PATL2: variants seen among roughly 807,000 people sequenced by gnomAD.
The protein encoded by PATL2 is protein PAT1 homolog 2.
PATL2 carries 73 observed loss-of-function variants against 77.0 expected under a neutral mutation model. The ratio of observed to expected loss-of-function variants is 0.95; its 90% CI spans 0.78 to 1.15. PATL2 has a LOEUF of 1.15. Ranked by LOEUF, PATL2 falls within the 50% of genes most tolerant of loss-of-function variation. The pLI, the probability that PATL2 is intolerant of heterozygous loss-of-function variation, is 0.00. For missense variants in PATL2, 618 were observed against 655.4 expected (o/e 0.94, Z 0.62); for synonymous variants, 265 against 257.1 (o/e 1.03, Z -0.29).
At chr15:44,672,212 G>T (rs1415803809) in intron 8 of PATL2, 56 bp from the exon 9 acceptor site, 1 of 1,551,080 alleles carries the variant, frequency 6.4e-7, no homozygotes, top group Non-Finnish European at 8.7e-7. Context: ...ACTTCCTAAG[G>T]AGTGTGGTGA....
chr15:44,684,408 T>A (rs2086205671), intron 3 of PATL2, among the ~76,000 whole-genome samples: 1 of 151,646 alleles, frequency 6.6e-6, no homozygotes, highest in South Asian at 2.1e-4. Context: ...ATAAATGACC[T>A]GATAGAGCTG....
chr15:44,675,281 C>A lies in PATL2; in HGVS notation c.222+205G>T, dbSNP rs147080508. The A allele has an allele frequency of 3.2e-6, 2 of 619,542 alleles. 1 individual carries two copies. 38.4% of individuals were successfully genotyped at this position (619,542 alleles called of 1,614,324 possible). A position where few individuals can be genotyped will look rare whatever the true frequency, so the allele number is the denominator to read the frequency against. ...GCTCTGCTAGGACCTGGTTTTAAGGCGAGAACAGCATCAGAAATGAAGTGG... is the reference window on the plus strand; with the variant it reads ...GCTCTGCTAGGACCTGGTTTTAAGGAGAGAACAGCATCAGAAATGAAGTGG... On this transcript the variant is annotated intron_variant, in intron 5 of 17. Coordinates refer to ENST00000682850, the MANE Select transcript of PATL2 (RefSeq NM_001387263.1).
chr15:44,689,920 T>A (rs1006940202), intron 3 of PATL2, among the ~76,000 whole-genome samples: 1 of 152,186 alleles, frequency 6.6e-6, no homozygotes, highest in Non-Finnish European at 1.5e-5. Context: ...CCAAGCATGG[T>A]GTCTCACACC....
chr15:44,685,022 A>T (rs1432064762), intron 3 of PATL2, among the ~76,000 whole-genome samples: 1 of 152,222 alleles, frequency 6.6e-6, no homozygotes, highest in Non-Finnish European at 1.5e-5. Context: ...AGGAGAAATA[A>T]AATCCTTTAC....
Position 44,667,217 on chromosome 15 carries a change from A to G in PATL2, c.1366-14T>C, listed in dbSNP as rs1182590632. On this transcript the variant is annotated splice_polypyrimidine_tract_variant and intron_variant, in intron 15 of 17. Transcript: ENST00000682850. ...AGATATTCCAAACTGCAAGGGACAT[A>G]TATATATTCCAGAGCAAAATGAGTT... The G allele has an allele frequency of 6.5e-7, 1 of 1,543,652 alleles. No homozygotes were observed. The highest frequency in any genetic ancestry group is 2.4e-5 in the East Asian group (1 of 40,882).
rs542210418 is a variant in PATL2, at chr15:44,702,712, A to C, written c.-76+7384T>G. 2.6e-5 allele frequency among the ~76,000 whole-genome samples: 4 copies of C among 152,152 alleles called. No homozygotes were observed. In the South Asian group the frequency reaches 6.2e-4, roughly 24 times the overall value. Reference sequence around the variant, plus strand: ...TGTTTCCATTATCATTTGTTTCCAGAATTTAAAAAATTTCCTTCTTAATTT... The same window carrying C: ...TGTTTCCATTATCATTTGTTTCCAGCATTTAAAAAATTTCCTTCTTAATTT... On this transcript the variant is annotated intron_variant, in intron 3 of 17. Transcript: ENST00000682850.
intron 3 of PATL2, among the ~76,000 whole-genome samples, chr15:44,698,902 A>G (rs374087701): frequency 1.3e-5 from 2 of 152,170 alleles, no homozygotes; most frequent in South Asian, 2.1e-4. Context: ...CCTCACCAGC[A>G]TTCATTATTG....
At chr15:44,676,347 A>G in intron 4 of PATL2, 128 bp downstream of exon 4, 1 of 852,922 alleles carries the variant, frequency 1.2e-6, no homozygotes, top group Non-Finnish European at 1.9e-6. Flanking sequence ...ATTATGATAT[A>G]ATTAGCAAGT....
chr15:44,691,525 G>A (rs1595982968), intron 3 of PATL2, among the ~76,000 whole-genome samples: 1 of 152,146 alleles, frequency 6.6e-6, no homozygotes, highest in East Asian at 1.9e-4. Context: ...GAGTGTGGTG[G>A]CATGTTCCTG....
chr15:44,674,093 T>A, intron 6 of PATL2, 57 bp downstream of exon 6: 1 of 1,465,142 alleles, frequency 6.8e-7, no homozygotes, highest in Admixed American at 2.1e-5. Context: ...GGGGGTAGAC[T>A]GAACATAATA....
rs545161525 is a variant in PATL2 at position 44,679,552 on chromosome 15, CTTT to C, written c.-75-2990_-75-2988del. On this transcript the variant is annotated intron_variant, in intron 3 of 17. Transcript: ENST00000682850. ...CAATTTTTTTTTTCTTTTTCTTTTT[CTTT>C]TTTTTTTTTTTTTTTTTAGTAGAGA... Among the ~76,000 whole-genome samples, 623 of 114,310 alleles carry C rather than the reference CTTT, an allele frequency of 5.5e-3. 3 individuals carry two copies. The highest frequency in any genetic ancestry group is 0.02 in the African/African-American group (602 of 30,310). 75.0% of individuals were successfully genotyped at this position (114,310 alleles called of 152,430 possible). A position where few individuals can be genotyped will look rare whatever the true frequency, so the allele number is the denominator to read the frequency against.
At chr15:44,667,907 T>C (rs2141165295) in intron 15 of PATL2, among the ~76,000 whole-genome samples, 1 of 152,226 alleles carries the variant, frequency 6.6e-6, no homozygotes, top group Middle Eastern at 3.4e-3. Flanking sequence ...CGTGCCACTG[T>C]ACTCCAGCCT....
intron 3 of PATL2, among the ~76,000 whole-genome samples, chr15:44,687,262 C>T (rs182814910): frequency 3.3e-5 from 5 of 152,272 alleles, no homozygotes; most frequent in Middle Eastern, 3.4e-3. Flanking sequence ...ATACACAAAT[C>T]GATTAACGTA....
intron 6 of PATL2, among the ~76,000 whole-genome samples, chr15:44,673,710 T>G (rs1335735127): frequency 6.7e-6 from 1 of 150,262 alleles, no homozygotes; most frequent in African/African-American, 2.5e-5. Flanking sequence ...AGTACTCATC[T>G]GTCTTTTCTG....
At chr15:44,691,139 T>C (rs2086381638) in intron 3 of PATL2, among the ~76,000 whole-genome samples, 1 of 152,090 alleles carries the variant, frequency 6.6e-6, no homozygotes, top group Admixed American at 6.5e-5. Context: ...TATTTGGTTA[T>C]AAAAAACTCA....
intron 3 of PATL2, among the ~76,000 whole-genome samples, chr15:44,680,032 A>G (rs913088448): frequency 6.6e-6 from 1 of 152,074 alleles, no homozygotes; most frequent in African/African-American, 2.4e-5. Flanking sequence ...AATTACCCCA[A>G]TTCCCTCTGG....
intron 3 of PATL2, among the ~76,000 whole-genome samples, chr15:44,700,181 G>C (rs1044562560): frequency 6.6e-6 from 1 of 152,076 alleles, no homozygotes; most frequent in African/African-American, 2.4e-5. Flanking sequence ...TTTCATCAGT[G>C]TTTTATAGTT....
At chr15:44,681,913 A>T (rs1050234657) in intron 3 of PATL2, among the ~76,000 whole-genome samples, 8 of 152,176 alleles carry the variant, frequency 5.3e-5, no homozygotes, top group African/African-American at 1.9e-4. Context: ...TTCTAGATTG[A>T]GTTTCAGAAA....
At position 44,666,414 on chromosome 15, in the gene PATL2, G is replaced by A; in HGVS notation, c.1591C>T (p.Gln531Ter). The A allele has an allele frequency of 6.4e-7, 1 of 1,551,718 alleles. No individual in the cohort carries two copies. The change falls in exon 17 of 18, where the codon CAG becomes TAG. Residue 531 changes from glutamine to a stop codon, truncating the protein, a stop_gained. Coordinates refer to ENST00000682850, the MANE Select transcript of PATL2 (RefSeq NM_001387263.1). LOFTEE classifies it high-confidence loss of function. ...TACTCCATCCTGGCCTCCAGCTGCT[G>A]AACCAATTGTTTGTCCACGTGGTGA... ...FCHHVDKQLV[Q>*]QLEARMEFAW...
Sources: allele counts gnomAD v4.1 joint callset (sites outside exome capture counted in the v4.1 genomes callset), GRCh38; gene constraint gnomAD v4.1.1; transcripts MANE v1.5; gene names NCBI Gene and HGNC (gene_info 2026-07-23, HGNC 2026-07-21).